The following SLC36A1 variants were observed in gnomAD, a reference collection of about 807,000 sequenced individuals.
SLC36A1 encodes the protein solute carrier family 36 member 1.
A neutral mutation model predicts 47.5 loss-of-function variants in SLC36A1; 30 were observed. That is an observed-to-expected ratio of 0.63 (90% CI 0.47 to 0.86). The LOEUF (loss-of-function observed/expected upper bound fraction) is 0.86. Among genes scored for constraint, SLC36A1 ranks in the 40% least tolerant of loss-of-function variants. The pLI, the probability that SLC36A1 is intolerant of heterozygous loss-of-function variation, is 0.00. For missense variants in SLC36A1, 517 were observed against 606.0 expected, an observed-to-expected ratio of 0.85 and a Z score of 1.54; for synonymous variants, 255 against 249.7, an observed-to-expected ratio of 1.02 and a Z score of -0.20.
chr5:151,395,537 C>T, the SLC36A1 span, among the ~76,000 whole-genome samples: 3 of 152,188 alleles, frequency 2.0e-5, no homozygotes, highest in Non-Finnish European at 4.4e-5. Context: ...GCTATTCAGC[C>T]ATCTTGGAGC....
chr5:151,394,536 T>C, the SLC36A1 span, among the ~76,000 whole-genome samples: 1 of 152,372 alleles, frequency 6.6e-6, no homozygotes, highest in Non-Finnish European at 1.5e-5. Flanking sequence ...TGTGGTTTTA[T>C]CTACCTTTGG....
chr5:151,429,464 C>T, the SLC36A1 span, among the ~76,000 whole-genome samples: 2 of 150,384 alleles, frequency 1.3e-5, no homozygotes, highest in Admixed American at 6.7e-5. Context: ...CTTTTTTGTC[C>T]TTGCGATAGT....
intron 1 of SLC36A1, among the ~76,000 whole-genome samples, chr5:151,453,086 C>T (rs1277733746): frequency 6.6e-6 from 1 of 151,362 alleles, no homozygotes; most frequent in Non-Finnish European, 1.5e-5. Context: ...TGTCCGTAAT[C>T]CCAGCTACTC....
At chr5:151,542,868 C>T in the SLC36A1 span, 2 of 1,614,192 alleles carry the variant, frequency 1.2e-6, no homozygotes. Context: ...GGTCCATGGG[C>T]TTCCTCACCT....
At chr5:151,499,688 A>G in the SLC36A1 span, among the ~76,000 whole-genome samples, 6 of 152,100 alleles carry the variant, frequency 3.9e-5, no homozygotes, top group African/African-American at 1.4e-4. Flanking sequence ...CCTGGAAAAC[A>G]TATGTGTCCT....
the SLC36A1 span, among the ~76,000 whole-genome samples, chr5:151,538,583 C>T: frequency 3.9e-5 from 6 of 152,220 alleles, no homozygotes; most frequent in African/African-American, 1.2e-4. Flanking sequence ...CAGTGGCTGG[C>T]AGTGAGCCAG....
chr5:151,361,869 T>C, the SLC36A1 span, among the ~76,000 whole-genome samples: 22 of 152,240 alleles, frequency 1.4e-4, no homozygotes, highest in African/African-American at 5.1e-4. Context: ...AGTTTTTTTT[T>C]CTTTCAGCAC....
intron 10 of SLC36A1, among the ~76,000 whole-genome samples, chr5:151,483,525 G>GC (rs1759122677): frequency 5.4e-5 from 8 of 148,784 alleles, no homozygotes; most frequent in African/African-American, 7.6e-5. Context: ...TGTGGGGGGG[G>GC]TGATTAGGGG....
chr5:151,401,269 T>C, the SLC36A1 span, among the ~76,000 whole-genome samples: 1 of 152,206 alleles, frequency 6.6e-6, no homozygotes, highest in Non-Finnish European at 1.5e-5. Context: ...ACCTCTTATT[T>C]ATTGAATAGG....
At chr5:151,361,929 A>G in the SLC36A1 span, among the ~76,000 whole-genome samples, 4 of 151,988 alleles carry the variant, frequency 2.6e-5, no homozygotes, top group African/African-American at 9.7e-5. Context: ...TTCCATTGAG[A>G]AGTCTGTTGC....
the SLC36A1 span, among the ~76,000 whole-genome samples, chr5:151,530,270 G>A: frequency 2.7e-5 from 4 of 147,976 alleles, no homozygotes; most frequent in East Asian, 5.9e-4. Flanking sequence ...AAAAAAGCCA[G>A]TTAGCTCTTA....
At chr5:151,539,819 C>T in the SLC36A1 span, among the ~76,000 whole-genome samples, 2 of 152,232 alleles carry the variant, frequency 1.3e-5, no homozygotes, top group African/African-American at 4.8e-5. Context: ...CCCCACTCAA[C>T]ATTTGTTCCT....
chr5:151,495,949 T>C (rs1270799146), downstream of SLC36A1, among the ~76,000 whole-genome samples: 4 of 152,218 alleles, frequency 2.6e-5, no homozygotes, highest in Admixed American at 6.5e-5. Context: ...GATTTAGTTA[T>C]TACAAATAAA....
the SLC36A1 span, among the ~76,000 whole-genome samples, chr5:151,555,042 A>G: frequency 6.6e-6 from 1 of 152,216 alleles, no homozygotes; most frequent in Non-Finnish European, 1.5e-5. Context: ...AAAATAAATG[A>G]GAAAATGTTG....
At chr5:151,428,131 T>C in the SLC36A1 span, among the ~76,000 whole-genome samples, 2 of 152,208 alleles carry the variant, frequency 1.3e-5, no homozygotes, top group African/African-American at 4.8e-5. Flanking sequence ...AAGTCCAGCC[T>C]GGAATTCTCT....
chr5:151,417,219 G>A, the SLC36A1 span, among the ~76,000 whole-genome samples: 1 of 152,208 alleles, frequency 6.6e-6, no homozygotes, highest in Non-Finnish European at 1.5e-5. Context: ...CTGGATAATG[G>A]GCAGAAGTTG....
At chr5:151,495,049 G>A (rs1760299678), downstream of SLC36A1, among the ~76,000 whole-genome samples, 2 of 152,234 alleles carry the variant, frequency 1.3e-5, no homozygotes, top group Admixed American at 1.3e-4. Context: ...TGGGAAATGT[G>A]TGCTAACTTT....
At chr5:151,453,525 T>C (rs1403586954) in intron 1 of SLC36A1, among the ~76,000 whole-genome samples, 1 of 152,174 alleles carries the variant, frequency 6.6e-6, no homozygotes, top group Non-Finnish European at 1.5e-5. Flanking sequence ...TGTTACCATC[T>C]ATTGATCTTA....
the SLC36A1 span, among the ~76,000 whole-genome samples, chr5:151,556,012 C>A: frequency 1.1e-4 from 17 of 152,130 alleles, no homozygotes; most frequent in African/African-American, 4.1e-4. Context: ...AGTGTTTGAC[C>A]GAGAATGATT....
Sources: allele counts gnomAD v4.1 joint callset (sites outside exome capture counted in the v4.1 genomes callset), GRCh38; gene constraint gnomAD v4.1.1; transcripts MANE v1.5; gene names NCBI Gene and HGNC (gene_info 2026-07-23, HGNC 2026-07-21).